Variants in PALM2AKAP2 observed in about 807,000 individuals in gnomAD.
The protein encoded by PALM2AKAP2 is PALM2-AKAP2 fusion protein.
PALM2AKAP2 carries 37 observed loss-of-function variants against 71.5 expected under a neutral mutation model. The observed-to-expected ratio is 0.52, with a 90% CI of 0.40 to 0.68. The LOEUF (loss-of-function observed/expected upper bound fraction) is 0.68. PALM2AKAP2 is among the 30% of genes least tolerant of loss of function. The pLI, the probability that PALM2AKAP2 is intolerant of heterozygous loss-of-function variation, is 0.00. For synonymous variants in PALM2AKAP2, 468 were observed against 478.8 expected, an observed-to-expected ratio of 0.98 and a Z score of 0.29; for missense variants, 1,224 against 1,191.8, an observed-to-expected ratio of 1.03 and a Z score of -0.40.
intron 1 of PALM2AKAP2, among the ~76,000 whole-genome samples, chr9:109,743,372 T>TG (rs200109208): frequency 0.042 from 6,402 of 152,084 alleles, 186 homozygotes; most frequent in Non-Finnish European, 0.053. Flanking sequence ...TTAGGAGCAA[T>TG]ACCCCACCCG....
chr9:109,769,252 CGTTTCCTCT>C (rs1564140928), intron 1 of PALM2AKAP2, among the ~76,000 whole-genome samples: 1 of 152,016 alleles, frequency 6.6e-6, no homozygotes, highest in African/African-American at 2.4e-5. Flanking sequence ...AGCAAATAAA[CGTTTCCTCT>C]GTGGGCTGGG....
At chr9:109,855,202 A>G (rs1462771195) in intron 1 of PALM2AKAP2, among the ~76,000 whole-genome samples, 1 of 152,016 alleles carries the variant, frequency 6.6e-6, no homozygotes, top group Non-Finnish European at 1.5e-5. Flanking sequence ...CCTCCTGAGT[A>G]GTTGGGATTA....
At chr9:110,095,476 T>C (rs1834815051) in intron 1 of PALM2AKAP2, among the ~76,000 whole-genome samples, 2 of 152,228 alleles carry the variant, frequency 1.3e-5, no homozygotes, top group Admixed American at 1.3e-4. Flanking sequence ...GGTAATGCCT[T>C]AGAAACAGAA....
chr9:109,726,673 C>G (rs954090031), intron 1 of PALM2AKAP2, among the ~76,000 whole-genome samples: 1 of 152,156 alleles, frequency 6.6e-6, no homozygotes, highest in South Asian at 2.1e-4. Flanking sequence ...GATTTCAACA[C>G]CCATTATAGC....
rs555942483 is a variant in PALM2AKAP2 at position 110,138,350 on chromosome 9, A to G, written c.2380A>G (p.Met794Val). ...CCTGGCCACTCAAGAATCTGACGTGATGGTTGGGCCTTTCAAGCTGAGGTC... is the reference window on the plus strand; with the variant it reads ...CCTGGCCACTCAAGAATCTGACGTGGTGGTTGGGCCTTTCAAGCTGAGGTC... Residue 794 changes from methionine to valine, a missense_variant, in exon 2 of 4, where the codon ATG becomes GTG. Transcript: ENST00000374525. The G allele has an allele frequency of 4.3e-6, 7 of 1,614,174 alleles. No homozygotes were observed. In the Admixed American group the frequency reaches 1.2e-4, roughly 27 times the overall value.
At chr9:110,112,850 C>T (rs1835281172) in intron 1 of PALM2AKAP2, among the ~76,000 whole-genome samples, 1 of 152,228 alleles carries the variant, frequency 6.6e-6, no homozygotes, top group African/African-American at 2.4e-5. Flanking sequence ...AGAGTACTGA[C>T]CTCCTACGCT....
intron 6 of PALM2AKAP2, among the ~76,000 whole-genome samples, chr9:109,980,319 G>A (rs571437274): frequency 2.0e-5 from 3 of 152,228 alleles, no homozygotes; most frequent in Non-Finnish European, 4.4e-5. Context: ...GCCTGCCATC[G>A]AGGCTCAGAT....
At chr9:109,643,469 C>T (rs926400263) in intron 1 of PALM2AKAP2, among the ~76,000 whole-genome samples, 1 of 152,264 alleles carries the variant, frequency 6.6e-6, no homozygotes. Flanking sequence ...ATAACTGGAA[C>T]AGCACACAGG....
At chr9:110,115,932 T>G (rs969871372) in intron 1 of PALM2AKAP2, among the ~76,000 whole-genome samples, 1 of 152,152 alleles carries the variant, frequency 6.6e-6, no homozygotes, top group African/African-American at 2.4e-5. Flanking sequence ...TCTCTGATGG[T>G]TTTTCTTTCT....
intron 1 of PALM2AKAP2, among the ~76,000 whole-genome samples, chr9:109,771,739 GA>G (rs1442352216): frequency 6.6e-6 from 1 of 152,172 alleles, no homozygotes; most frequent in African/African-American, 2.4e-5. Flanking sequence ...TAAGGCATTA[GA>G]GGAGGAAAGA....
At chr9:109,837,680 G>T (rs540238476) in intron 1 of PALM2AKAP2, among the ~76,000 whole-genome samples, 1 of 152,112 alleles carries the variant, frequency 6.6e-6, no homozygotes, top group South Asian at 2.1e-4. Context: ...AGGGATGGGG[G>T]AAGATCTACC....
chr9:109,800,667 G>A (rs572846101), intron 1 of PALM2AKAP2, among the ~76,000 whole-genome samples: 9 of 152,322 alleles, frequency 5.9e-5, no homozygotes, highest in African/African-American at 9.6e-5. Flanking sequence ...TTGAAGTAGC[G>A]TCTACCTGTC....
At chr9:110,122,746 TC>T (rs1396277795) in intron 1 of PALM2AKAP2, among the ~76,000 whole-genome samples, 1 of 152,130 alleles carries the variant, frequency 6.6e-6, no homozygotes, top group Non-Finnish European at 1.5e-5. Flanking sequence ...TGGCTTCTTT[TC>T]CCCCAGGGCA....
intron 6 of PALM2AKAP2, among the ~76,000 whole-genome samples, chr9:109,965,762 C>A (rs897915103): frequency 6.6e-6 from 1 of 152,008 alleles, no homozygotes; most frequent in African/African-American, 2.4e-5. Flanking sequence ...ATAAATGCCT[C>A]GTGCAGTACC....
chr9:109,982,070 G>A (rs921430862), intron 6 of PALM2AKAP2, among the ~76,000 whole-genome samples: 2 of 152,230 alleles, frequency 1.3e-5, no homozygotes, highest in African/African-American at 4.8e-5. Context: ...ACAGATGAAT[G>A]GATAAAGAAA....
intron 1 of PALM2AKAP2, among the ~76,000 whole-genome samples, chr9:109,724,661 T>C (rs1828450843): frequency 6.6e-6 from 1 of 152,220 alleles, no homozygotes; most frequent in African/African-American, 2.4e-5. Context: ...GTGTTACTCA[T>C]TTTATTCTCA....
At position 109,670,034 on chromosome 9, in the gene PALM2AKAP2, A is replaced by G. The variant is rs192812649; in HGVS notation, c.5+29168A>G. Among the ~76,000 whole-genome samples, 5 of 152,056 alleles carry G rather than the reference A, an allele frequency of 3.3e-5. No homozygotes were observed. The East Asian group carries it at 9.6e-4, about 29-fold the overall frequency. On this transcript the variant is annotated intron_variant, in intron 1 of 6. Coordinates refer to the PALM2AKAP2 transcript ENST00000374531. ...CTAATATTAATATTTCAAGTTATAC[A>G]TTTCCTTTTAAGTACATTAGATGCA... is the stretch of plus-strand genomic sequence containing the variant.
chr9:109,812,256 G>A (rs993850969), intron 1 of PALM2AKAP2, among the ~76,000 whole-genome samples: 1 of 152,164 alleles, frequency 6.6e-6, no homozygotes, highest in African/African-American at 2.4e-5. Context: ...GCAGCTTACA[G>A]ACAGAACCAT....
chr9:110,068,087 CTTT>C (rs5899875), intron 1 of PALM2AKAP2, among the ~76,000 whole-genome samples: 2 of 122,936 alleles, frequency 1.6e-5, no homozygotes, highest in Non-Finnish European at 1.6e-5. Flanking sequence ...GTTCCAAACT[CTTT>C]TTTTTTTTTT....
Sources: allele counts gnomAD v4.1 joint callset (sites outside exome capture counted in the v4.1 genomes callset), GRCh38; gene constraint gnomAD v4.1.1; transcripts MANE v1.5; gene names NCBI Gene and HGNC (gene_info 2026-07-23, HGNC 2026-07-21).